Variants in BRSK2 observed in about 807,000 individuals in gnomAD.
BRSK2 encodes BR serine/threonine kinase 2.
Under a neutral mutation model 83.3 loss-of-function variants are expected in BRSK2, and 19 were observed. The ratio of observed to expected loss-of-function variants is 0.23; its 90% CI spans 0.16 to 0.33. The LOEUF (loss-of-function observed/expected upper bound fraction) is 0.33, where lower values mean the gene tolerates loss of function less well. Among genes scored for constraint, BRSK2 ranks in the 10% least tolerant of loss-of-function variants. The pLI, the probability that BRSK2 is intolerant of heterozygous loss-of-function variation, is 1.00. For synonymous variants in BRSK2, 519 were observed against 435.4 expected, an observed-to-expected ratio of 1.19 and a Z score of -2.39; for missense variants, 798 against 1,042.3, an observed-to-expected ratio of 0.77 and a Z score of 3.23.
intron 12 of BRSK2, 113 bp from the exon 13 acceptor site, chr11:1,449,663 C>T: frequency 1.1e-6 from 1 of 870,836 alleles, no homozygotes; most frequent in Non-Finnish European, 1.8e-6. Context: ...CCTCGAGGCT[C>T]TTGGCCCGGG....
In BRSK2 at chr11:1,451,426, G is replaced by A; in HGVS notation, c.1544+7G>A. The stretch of plus-strand genomic sequence containing the variant: ...CACCAGAGTCGTCCCCAGAGTAAGT[G>A]GCCCCTGCTGGAGGCCTCCTGGTAC... On this transcript the variant is annotated splice_region_variant and intron_variant, in intron 15 of 19. Transcript: ENST00000528841. 1 of 1,612,680 alleles carries A rather than the reference G, an allele frequency of 6.2e-7. No homozygotes were observed. The highest frequency in any genetic ancestry group is 8.5e-7 in the Non-Finnish European group (1 of 1,179,810).
intron 1 of BRSK2, among the ~76,000 whole-genome samples, chr11:1,404,563 C>T (rs1448029687): frequency 6.6e-6 from 1 of 152,190 alleles, no homozygotes; most frequent in African/African-American, 2.4e-5. Context: ...TCCCTGGATG[C>T]CACAGAGCAC....
Position 1,390,820 on chromosome 11 carries a change from T to G in BRSK2, c.91+445T>G, listed in dbSNP as rs550393930. Among the ~76,000 whole-genome samples the G allele has an allele frequency of 6.6e-6, 1 of 152,054 alleles. No individual in the cohort carries two copies. Among genetic ancestry groups the G allele is most frequent in the South Asian group, 2.1e-4 (1 of 4,826 alleles). On this transcript the variant is annotated intron_variant, in intron 1 of 19. Transcript: ENST00000528841. The surrounding 1 kb of genome is among the most constrained non-coding windows in gnomAD (Gnocchi z 6.8). ...CTGCGCCCCCGGCGGGACTCCCACC[T>G]CCGCGCGCCGGCCACCGGGGCCTCC...
chr11:1,460,090 A>AGGGAAGGGGGGT (rs1414486116), intron 19 of BRSK2, among the ~76,000 whole-genome samples: 1 of 8,556 alleles, frequency 1.2e-4, no homozygotes, highest in South Asian at 3.4e-3. Context: ...CAAGGTGGGG[A>AGGGAAGGGGGGT]GGGAAGGGGG....
chr11:1,461,050 C>T lies in BRSK2; in HGVS notation c.*327C>T, dbSNP rs929711724. On this transcript the variant is annotated 3_prime_UTR_variant, in exon 20 of 20. Coordinates refer to ENST00000528841, the MANE Select transcript of BRSK2 (RefSeq NM_001256627.2). ...AGGCAGCTGCTGCGGACCCGCCCTC[C>T]CTCCGCTCCTGCTGTTGCTGCCGGG... 212 of 1,605,766 alleles carry T rather than the reference C, an allele frequency of 1.3e-4. No homozygotes were observed. Among genetic ancestry groups the T allele is most frequent in the Non-Finnish European group, 6.9e-5 (81 of 1,176,098 alleles).
In BRSK2 at chr11:1,445,649, G is replaced by A; in HGVS notation, c.1056G>A (p.Leu352=). ...ACCCGAGCCAGGAGGATGAGGACCT[G>A]CCCCCCCGGAACGAGATAGGTATGG... is the stretch of plus-strand genomic sequence containing the variant. The part of the protein sequence containing the change: ...ERYPSQEDED[L]PPRNEIDPPR... The change falls in exon 11 of 20, where the codon CTG becomes CTA. Residue 352 remains leucine (L), a synonymous_variant. Transcript: ENST00000528841. 1 of 1,593,456 alleles carries A rather than the reference G, an allele frequency of 6.3e-7. No individual in the cohort carries two copies. Among genetic ancestry groups the A allele is most frequent in the East Asian group, 2.3e-5 (1 of 43,530 alleles).
intron 8 of BRSK2, 114 bp downstream of exon 8, chr11:1,443,749 G>C (rs1851663540): frequency 1.5e-6 from 2 of 1,323,898 alleles, no homozygotes; most frequent in Non-Finnish European, 2.0e-6. Flanking sequence ...CAGGTGTGTG[G>C]GTCGGTGCCC....
intron 1 of BRSK2, chr11:1,411,775 G>A: frequency 8.0e-7 from 1 of 1,250,430 alleles, no homozygotes; most frequent in Non-Finnish European, 1.1e-6. Context: ...AGCTGTGCGG[G>A]TTCCTACGCT....
At chr11:1,444,928 C>G (rs552214117) in intron 8 of BRSK2, 43 bp from the exon 9 acceptor site, 1 of 1,591,762 alleles carries the variant, frequency 6.3e-7, no homozygotes, top group Non-Finnish European at 8.6e-7. Flanking sequence ...GGGCTCTTTC[C>G]GTCCCTCGTC....
intron 18 of BRSK2, chr11:1,456,898 G>T: frequency 1.3e-6 from 2 of 1,567,042 alleles, no homozygotes; most frequent in Non-Finnish European, 1.7e-6. Flanking sequence ...GCCTCTGCAC[G>T]CCAGGGACAT....
chr11:1,390,530 G>C lies in BRSK2; in HGVS notation c.91+155G>C, dbSNP rs1459142224. Among the ~76,000 whole-genome samples, 1 of 143,338 alleles carries C rather than the reference G, an allele frequency of 7.0e-6. No homozygotes were observed. The highest frequency in any genetic ancestry group is 1.5e-5 in the Non-Finnish European group (1 of 65,260). The allele number at this position is 143,338 out of a possible 152,430, so 94.0% of individuals were successfully genotyped here. On this transcript the variant is annotated intron_variant, in intron 1 of 19. Coordinates refer to ENST00000528841, the MANE Select transcript of BRSK2 (RefSeq NM_001256627.2). The surrounding 1 kb of genome is among the most constrained non-coding windows in gnomAD (Gnocchi z 6.8). ...GCGGCCCGTGCGCCCCCGTCCGCTCGTGCGCCCCGGTTCCGCCGCGGATCC... is the reference window on the plus strand; with the variant it reads ...GCGGCCCGTGCGCCCCCGTCCGCTCCTGCGCCCCGGTTCCGCCGCGGATCC...
chr11:1,411,168 G>T (rs1024573719), intron 1 of BRSK2: 4 of 1,228,784 alleles, frequency 3.3e-6, no homozygotes, highest in Non-Finnish European at 4.1e-6. Flanking sequence ...AGGCTGGCTA[G>T]TTCCTCCTTC....
chr11:1,425,227 A>G (rs554067135), intron 1 of BRSK2, among the ~76,000 whole-genome samples: 1 of 152,300 alleles, frequency 6.6e-6, no homozygotes, highest in Admixed American at 6.5e-5. Flanking sequence ...CTTCGGCTTA[A>G]GGCCTCTCAG....
intron 15 of BRSK2, among the ~76,000 whole-genome samples, chr11:1,453,436 C>G (rs1846050670): frequency 6.6e-6 from 1 of 152,262 alleles, no homozygotes; most frequent in East Asian, 1.9e-4. Flanking sequence ...CCAGAACTGC[C>G]AGGCTGCTTT....
intron 1 of BRSK2, among the ~76,000 whole-genome samples, chr11:1,399,099 C>T (rs1286212879): frequency 1.3e-5 from 2 of 152,158 alleles, no homozygotes; most frequent in East Asian, 3.9e-4. Context: ...AGGAGCTGGG[C>T]AGGCAGCCCC....
Position 1,445,435 on chromosome 11 carries a change from G to A in BRSK2, c.954G>A (p.Leu318=), listed in dbSNP as rs778561749. 8.7e-6 allele frequency: 14 copies of A among 1,611,772 alleles called. No homozygotes were observed. The highest frequency in any genetic ancestry group is 8.5e-6 in the Non-Finnish European group (10 of 1,179,680). ...SLGCFRDRNK[L]LQDLLSEEEN... ...GCTGCTTCCGAGACCGCAACAAGCT[G>A]CTGCAGGACCTGCTGTCCGAGGAGT... Residue 318 remains leucine, a synonymous_variant, in exon 10 of 20, where the codon CTG becomes CTA. Transcript: ENST00000528841.
intron 1 of BRSK2, among the ~76,000 whole-genome samples, chr11:1,400,496 T>C (rs1021329051): frequency 2.0e-5 from 3 of 152,208 alleles, no homozygotes; most frequent in African/African-American, 7.2e-5. Context: ...TCCCTGACCC[T>C]GTATAGCGGC....
At chr11:1,442,966 C>T in intron 5 of BRSK2, 140 bp from the exon 6 acceptor site, 1 of 1,029,052 alleles carries the variant, frequency 9.7e-7, no homozygotes, top group Non-Finnish European at 1.4e-6. Context: ...AAAAGCCCGC[C>T]TGGGGATGCA....
At chr11:1,411,372 G>A (rs781647040) in intron 1 of BRSK2, 4 of 1,452,758 alleles carry the variant, frequency 2.8e-6, no homozygotes, top group Admixed American at 5.3e-5. Context: ...CCTAGTTTGG[G>A]GAGGGAGCCT....
Sources: gnomAD v4.1 joint callset for allele counts (sites outside exome capture counted in the v4.1 genomes callset) on GRCh38, gnomAD v4.1.1 for gene constraint, Gnocchi (gnomAD v3.1) non-coding constraint, MANE v1.5 for transcripts, NCBI Gene and HGNC (gene_info 2026-07-23, HGNC 2026-07-21) for gene names.